Variants in PROS1 observed in about 807,000 individuals in gnomAD.
PROS1 encodes the protein vitamin K-dependent protein S.
Under a neutral mutation model 75.9 loss-of-function variants are expected in PROS1, and 29 were observed. The observed-to-expected ratio is 0.38, with a 90% CI of 0.28 to 0.52. The LOEUF is 0.52. PROS1 is among the 20% of genes least tolerant of loss of function. The pLI is 0.83. For missense variants in PROS1, 680 were observed against 810.3 expected, an observed-to-expected ratio of 0.84 and a Z score of 1.95; for synonymous variants, 245 against 280.6, an observed-to-expected ratio of 0.87 and a Z score of 1.27.
chr3:93,885,133 T>G (rs1337535082), intron 11 of PROS1, among the ~76,000 whole-genome samples: 1 of 152,188 alleles, frequency 6.6e-6, no homozygotes, highest in Non-Finnish European at 1.5e-5. Context: ...TTTTAACACT[T>G]CAAGCCCCAC....
At chr3:93,882,264 T>C (rs1249312789) in intron 12 of PROS1, among the ~76,000 whole-genome samples, 1 of 152,184 alleles carries the variant, frequency 6.6e-6, no homozygotes, top group Non-Finnish European at 1.5e-5. Flanking sequence ...GATAACCTAA[T>C]TCTAAAATTT....
chr3:93,894,707 T>C (rs1313964255), intron 9 of PROS1, among the ~76,000 whole-genome samples: 2 of 152,150 alleles, frequency 1.3e-5, no homozygotes, highest in Admixed American at 6.6e-5. Flanking sequence ...GGAGGGAAAG[T>C]ATTTGATCAT....
At chr3:93,921,634 C>T (rs1208626264) in intron 3 of PROS1, among the ~76,000 whole-genome samples, 3 of 152,174 alleles carry the variant, frequency 2.0e-5, no homozygotes, top group Non-Finnish European at 4.4e-5. Flanking sequence ...TCTAGGAACA[C>T]ATCCATTTTA....
rs749528007 is a variant in PROS1 at position 93,905,849 on chromosome 3, G to C, written c.536C>G (p.Pro179Arg). 8 of 1,612,404 alleles carry C rather than the reference G, an allele frequency of 5.0e-6. No individual in the cohort carries two copies. The highest frequency in any genetic ancestry group is 6.8e-6 in the Non-Finnish European group (8 of 1,178,648). ...TTTACAGGAACAGTGGTAACTTCCA[G>C]GTGTATTATCACAAATTTGACTGCA... Reference protein sequence around the residue: ...GGCSQICDNTPGSYHCSCKNG... With the variant: ...GGCSQICDNTRGSYHCSCKNG... Residue 179 changes from proline to arginine, a missense_variant, in exon 6 of 15, where the codon CCT (proline) becomes CGT (arginine). Transcript: ENST00000394236.
At chr3:93,952,269 A>T (rs550028991) in intron 1 of PROS1, among the ~76,000 whole-genome samples, 2 of 152,332 alleles carry the variant, frequency 1.3e-5, no homozygotes, top group East Asian at 3.9e-4. Flanking sequence ...AATCAACAGG[A>T]TATACATTCT....
At chr3:93,940,561 C>T (rs1329867874) in intron 1 of PROS1, among the ~76,000 whole-genome samples, 2 of 152,086 alleles carry the variant, frequency 1.3e-5, no homozygotes, top group Admixed American at 6.5e-5. Flanking sequence ...ACCTTCCCAG[C>T]TCCCTTATTA....
At chr3:93,944,028 C>T (rs1041490211) in intron 1 of PROS1, among the ~76,000 whole-genome samples, 2 of 152,200 alleles carry the variant, frequency 1.3e-5, no homozygotes, top group African/African-American at 4.8e-5. Context: ...TTATTGCTCA[C>T]ACAAAGCCTG....
chr3:93,917,757 TC>T (rs1022616751), intron 3 of PROS1, among the ~76,000 whole-genome samples: 2 of 151,922 alleles, frequency 1.3e-5, no homozygotes, highest in African/African-American at 4.8e-5. Flanking sequence ...GTGTACTAGG[TC>T]CCCCAGCAGT....
intron 1 of PROS1, among the ~76,000 whole-genome samples, chr3:93,972,291 G>T (rs1045316844): frequency 3.3e-5 from 5 of 152,184 alleles, no homozygotes; most frequent in African/African-American, 1.2e-4. Flanking sequence ...TTTGAATGCT[G>T]AAGTTTTGCA....
chr3:93,969,122 CTTTT>C (rs773990991), intron 1 of PROS1, among the ~76,000 whole-genome samples: 1 of 114,326 alleles, frequency 8.7e-6, no homozygotes. Flanking sequence ...CTTTTGTTTT[CTTTT>C]TTTTTTTTTT....
intron 1 of PROS1, among the ~76,000 whole-genome samples, chr3:93,942,712 C>G (rs1709307509): frequency 6.6e-6 from 1 of 152,226 alleles, no homozygotes; most frequent in Non-Finnish European, 1.5e-5. Context: ...TTCAAAACCT[C>G]TTCCATTTAG....
chr3:93,933,869 C>T (rs763727489), intron 1 of PROS1, among the ~76,000 whole-genome samples: 8 of 152,068 alleles, frequency 5.3e-5, no homozygotes, highest in Non-Finnish European at 1.2e-4. Context: ...ATTAGCTGGG[C>T]ACGGTGGTGC....
chr3:93,937,497 A>T (rs1404910292), intron 1 of PROS1, among the ~76,000 whole-genome samples: 1 of 151,710 alleles, frequency 6.6e-6, no homozygotes, highest in African/African-American at 2.4e-5. Flanking sequence ...CCTCCCGAGT[A>T]GCTGGGACTA....
At chr3:93,951,695 C>A (rs1709499372) in intron 1 of PROS1, among the ~76,000 whole-genome samples, 1 of 152,054 alleles carries the variant, frequency 6.6e-6, no homozygotes, top group African/African-American at 2.4e-5. Flanking sequence ...AGCTAACGAG[C>A]AAAATAAACA....
At chr3:93,971,166 A>T (rs1053488995) in intron 1 of PROS1, among the ~76,000 whole-genome samples, 3 of 151,498 alleles carry the variant, frequency 2.0e-5, no homozygotes, top group Non-Finnish European at 4.4e-5. Context: ...ACATAGTGAA[A>T]CCCTGTCTCT....
chr3:93,964,091 G>T (rs1380266206), intron 1 of PROS1, among the ~76,000 whole-genome samples: 1 of 152,092 alleles, frequency 6.6e-6, no homozygotes, highest in African/African-American at 2.4e-5. Flanking sequence ...CTAAGCTGAG[G>T]ATGTACATCA....
rs549011374 is a variant in PROS1, at chr3:93,937,170, C to A, written c.77-9763G>T. 1.4e-4 allele frequency among the ~76,000 whole-genome samples: 22 copies of A among 152,216 alleles called. 1 individual carries two copies. In the South Asian group the frequency reaches 4.4e-3, roughly 30 times the overall value. ...TCCGAGCTCCCTGAGTGTACAGTTTCTGTCCCTTTTAAGGGCTCACAAGAC... is the reference window on the plus strand; with the variant it reads ...TCCGAGCTCCCTGAGTGTACAGTTTATGTCCCTTTTAAGGGCTCACAAGAC... On this transcript the variant is annotated intron_variant, in intron 1 of 14. Transcript: ENST00000394236.
chr3:93,894,100 C>T (rs766521643), intron 9 of PROS1, among the ~76,000 whole-genome samples: 2 of 152,028 alleles, frequency 1.3e-5, no homozygotes, highest in African/African-American at 2.4e-5. Flanking sequence ...AAAATAAAGG[C>T]AATTTAAGTT....
intron 1 of PROS1, among the ~76,000 whole-genome samples, chr3:93,928,018 T>A (rs1246225428): frequency 5.2e-5 from 6 of 115,074 alleles, no homozygotes; most frequent in Non-Finnish European, 1.1e-4. Flanking sequence ...TATATTTTTT[T>A]TTTTTTTTTT....
Sources: allele counts gnomAD v4.1 joint callset (sites outside exome capture counted in the v4.1 genomes callset), GRCh38; gene constraint gnomAD v4.1.1; transcripts MANE v1.5; gene names NCBI Gene and HGNC (gene_info 2026-07-23, HGNC 2026-07-21).